Variants in MED13L observed in about 807,000 individuals in gnomAD.
MED13L encodes mediator of RNA polymerase II transcription subunit 13-like.
A neutral mutation model predicts 220.9 loss-of-function variants in MED13L; 7 were observed. The observed-to-expected ratio is 0.03, with a 90% CI of 0.02 to 0.06. The LOEUF is 0.06. Among genes scored for constraint, MED13L ranks in the 10% least tolerant of loss-of-function variants. The pLI is 1.00. For synonymous variants in MED13L, 1,011 were observed against 1,015.2 expected (o/e 1.00, Z 0.08); for missense variants, 1,965 against 2,760.5 (o/e 0.71, Z 6.46).
At chr12:116,064,435 C>T (rs1419667113) in intron 4 of MED13L, among the ~76,000 whole-genome samples, 2 of 151,964 alleles carry the variant, frequency 1.3e-5, no homozygotes, top group Admixed American at 6.6e-5. Context: ...CAGAACCCAC[C>T]GATATGGAGG....
intron 1 of MED13L, among the ~76,000 whole-genome samples, chr12:116,253,132 C>T (rs1002852102): frequency 1.3e-5 from 2 of 150,040 alleles, no homozygotes; most frequent in African/African-American, 4.9e-5. Flanking sequence ...TGTGTTGGTG[C>T]GCACCTGTAA....
At chr12:116,024,779 G>GCA in intron 4 of MED13L, among the ~76,000 whole-genome samples, 2 of 93,766 alleles carry the variant, frequency 2.1e-5, no homozygotes, top group Non-Finnish European at 4.4e-5. Flanking sequence ...GGGGCGGGGG[G>GCA]GGGGGGGAGG....
intron 2 of MED13L, among the ~76,000 whole-genome samples, chr12:116,224,521 A>G (rs984469057): frequency 1.3e-5 from 2 of 152,182 alleles, no homozygotes; most frequent in Admixed American, 6.5e-5. Flanking sequence ...CTAGGTTCTG[A>G]GCTCCTGAAA....
chr12:116,129,047 T>C (rs1202638721), intron 2 of MED13L, among the ~76,000 whole-genome samples: 1 of 152,172 alleles, frequency 6.6e-6, no homozygotes, highest in East Asian at 1.9e-4. Flanking sequence ...TCAGCTTCCA[T>C]ATAATTATTC....
intron 2 of MED13L, among the ~76,000 whole-genome samples, chr12:116,138,110 C>T (rs1876735700): frequency 6.6e-6 from 1 of 152,156 alleles, no homozygotes; most frequent in Non-Finnish European, 1.5e-5. Flanking sequence ...CCCGCCTCAG[C>T]CTCCCAAAGT....
At chr12:116,004,047 T>C (rs1262867441) in intron 13 of MED13L, among the ~76,000 whole-genome samples, 1 of 152,222 alleles carries the variant, frequency 6.6e-6, no homozygotes, top group East Asian at 1.9e-4. Flanking sequence ...CATTTCTTCA[T>C]TAAGCTTAAT....
chr12:116,268,190 G>A lies in MED13L; in HGVS notation c.72+8870C>T, dbSNP rs199683746. Among the ~76,000 whole-genome samples the A allele has an allele frequency of 1.6e-4, 22 of 134,244 alleles. No individual in the cohort carries two copies. The East Asian group carries it at 5.0e-3, about 31-fold the overall frequency. The allele number at this position is 134,244 out of a possible 152,430, so 88.1% of individuals were successfully genotyped here. ...ATCAGAGGTACACAGAGGGAGGTAG[G>A]GGGTAACTAGTTCTGCCTGTGGTGG... On this transcript the variant is annotated intron_variant, in intron 1 of 30. Transcript: ENST00000281928.
intron 4 of MED13L, among the ~76,000 whole-genome samples, chr12:116,095,699 C>T (rs941807375): frequency 6.6e-6 from 1 of 152,164 alleles, no homozygotes; most frequent in African/African-American, 2.4e-5. Context: ...GATAATAAAA[C>T]AAAATTTAAA....
At chr12:116,149,113 G>A (rs187350565) in intron 2 of MED13L, among the ~76,000 whole-genome samples, 98 of 152,182 alleles carry the variant, frequency 6.4e-4, no homozygotes, top group Middle Eastern at 6.8e-3. Context: ...GCCCAGAATA[G>A]GCTACCCTGC....
chr12:116,207,963 T>C (rs537087498), intron 2 of MED13L, among the ~76,000 whole-genome samples: 81 of 152,264 alleles, frequency 5.3e-4, no homozygotes, highest in African/African-American at 1.9e-3. Flanking sequence ...GCATAAAATG[T>C]TCAAGATAAG....
intron 1 of MED13L, among the ~76,000 whole-genome samples, chr12:116,241,311 A>G (rs1292766607): frequency 6.7e-6 from 1 of 149,792 alleles, no homozygotes; most frequent in African/African-American, 2.5e-5. Context: ...CTCTTTAAAA[A>G]AAAAACAAAA....
intron 2 of MED13L, among the ~76,000 whole-genome samples, chr12:116,201,634 G>C (rs1882010676): frequency 6.6e-6 from 1 of 152,122 alleles, no homozygotes; most frequent in African/African-American, 2.4e-5. Context: ...GCTTCAGGGG[G>C]ATCTGTACAG....
Position 115,959,007 on chromosome 12 carries a change from A to T in MED13L, c.*2259T>A, listed in dbSNP as rs1232584689. The stretch of plus-strand genomic sequence containing the variant: ...CTGCAGAATTTCCAAAATTAAAAAT[A>T]AAAAAAAATAAAATAACTTCTCACT... On this transcript the variant is annotated 3_prime_UTR_variant, in exon 31 of 31. Coordinates refer to ENST00000281928, the MANE Select transcript of MED13L (RefSeq NM_015335.5). 6.6e-6 allele frequency: 1 copy of T among 151,952 alleles called. No homozygotes were observed. The highest frequency in any genetic ancestry group is 1.9e-4 in the East Asian group (1 of 5,190). The allele number at this position is 151,952 out of a possible 1,614,324, so 9.4% of individuals were successfully genotyped here.
chr12:115,965,841 G>T lies in MED13L; in HGVS notation c.6387+241C>A, dbSNP rs1040810837. The stretch of plus-strand genomic sequence containing the variant: ...CATCCATCCTAGATTTACCCTCTGG[G>T]CCCCACTGTTTCCTCCTTGGGCTAC... On this transcript the variant is annotated intron_variant, in intron 29 of 30. Coordinates refer to ENST00000281928, the MANE Select transcript of MED13L (RefSeq NM_015335.5). Among the ~76,000 whole-genome samples, 6 of 151,962 alleles carry T rather than the reference G, an allele frequency of 3.9e-5. 1 individual carries two copies. Among genetic ancestry groups the T allele is most frequent in the African/African-American group, 1.5e-4 (6 of 41,362 alleles).
intron 2 of MED13L, among the ~76,000 whole-genome samples, chr12:116,171,643 A>C (rs922780687): frequency 2.0e-5 from 3 of 152,048 alleles, no homozygotes; most frequent in African/African-American, 4.8e-5. Context: ...TGAGCACAAC[A>C]CTCCAGATAT....
chr12:116,261,170 T>C (rs1872485599), intron 1 of MED13L, among the ~76,000 whole-genome samples: 1 of 152,120 alleles, frequency 6.6e-6, no homozygotes, highest in Non-Finnish European at 1.5e-5. Context: ...TGCCCCTCCC[T>C]TCCCTTATAA....
chr12:116,114,031 G>A (rs2137913466), intron 2 of MED13L, among the ~76,000 whole-genome samples: 1 of 152,084 alleles, frequency 6.6e-6, no homozygotes, highest in South Asian at 2.1e-4. Context: ...ATACTTCAGC[G>A]TGCATCAAAT....
intron 1 of MED13L, chr12:116,276,658 A>C: frequency 2.5e-6 from 3 of 1,189,854 alleles, no homozygotes; most frequent in African/African-American, 3.2e-5. Context: ...CAACGGGGGA[A>C]GAGGTTGCCG....
intron 2 of MED13L, among the ~76,000 whole-genome samples, chr12:116,157,695 T>G (rs182177555): frequency 6.6e-6 from 1 of 152,334 alleles, no homozygotes; most frequent in African/African-American, 2.4e-5. Flanking sequence ...ACCAGCATTC[T>G]CCCACAATAT....
Sources: gnomAD v4.1 joint callset for allele counts (sites outside exome capture counted in the v4.1 genomes callset) on GRCh38, gnomAD v4.1.1 for gene constraint, MANE v1.5 for transcripts, NCBI Gene and HGNC (gene_info 2026-07-23, HGNC 2026-07-21) for gene names.